SEC22A: variants seen among roughly 807,000 people sequenced by gnomAD.
SEC22A encodes vesicle-trafficking protein SEC22a.
A neutral mutation model predicts 35.3 loss-of-function variants in SEC22A; 22 were observed. The ratio of observed to expected loss-of-function variants is 0.62; its 90% CI spans 0.45 to 0.89. The LOEUF is 0.89. SEC22A is among the 40% of genes least tolerant of loss of function. The pLI, the probability that SEC22A is intolerant of heterozygous loss-of-function variation, is 0.00. For missense variants in SEC22A, 354 were observed against 362.5 expected (o/e 0.98, Z 0.19); for synonymous variants, 119 against 129.5 (o/e 0.92, Z 0.55).
At chr3:123,206,551 G>A (rs776643075) in intron 1 of SEC22A, among the ~76,000 whole-genome samples, 65 of 152,054 alleles carry the variant, frequency 4.3e-4, no homozygotes, top group South Asian at 3.5e-3. Flanking sequence ...CTTACACTTA[G>A]GCTAAATGTT....
chr3:123,256,449 CA>C (rs35954824), intron 5 of SEC22A, among the ~76,000 whole-genome samples: 86,726 of 152,014 alleles, frequency 0.57, 25,203 homozygotes, highest in Non-Finnish European at 0.61. Context: ...GCCTCTGAGT[CA>C]ATCTTAATCT....
intron 1 of SEC22A, chr3:123,208,838 A>T (rs1936892238): frequency 4.9e-6 from 1 of 202,766 alleles, no homozygotes; most frequent in South Asian, 8.3e-5. Flanking sequence ...TCTGTCGCCC[A>T]GGCTGGAGCT....
chr3:123,263,579 C>T (rs978277717), intron 6 of SEC22A, among the ~76,000 whole-genome samples: 7 of 151,628 alleles, frequency 4.6e-5, no homozygotes, highest in African/African-American at 9.7e-5. Context: ...TGCAGTGGCG[C>T]GATCTTGGCT....
At chr3:123,225,329 A>G in intron 4 of SEC22A, 32 bp downstream of exon 4, 1 of 1,389,320 alleles carries the variant, frequency 7.2e-7, no homozygotes, top group Admixed American at 2.2e-5. Context: ...TTTTATTTTA[A>G]AAAAATCCTT....
At position 123,241,002 on chromosome 3, in the gene SEC22A, TACACAC is replaced by T. The variant is rs35775511; in HGVS notation, c.542-4861_542-4856del. On this transcript the variant is annotated intron_variant, in intron 4 of 6. Transcript: ENST00000492595. ...AATAGATTTACTAATCTCTCTTTCT[TACACAC>T]ACACACACACACACACACACACACA... Among the ~76,000 whole-genome samples the T allele has an allele frequency of 9.1e-3, 1,293 of 142,564 alleles. 10 individuals are homozygous for T. The highest frequency in any genetic ancestry group is 0.012 in the Admixed American group (168 of 14,302). The allele number at this position is 142,564 out of a possible 152,430, so 93.5% of individuals were successfully genotyped here.
intron 2 of SEC22A, among the ~76,000 whole-genome samples, chr3:123,220,823 G>T (rs1317443611): frequency 1.4e-5 from 2 of 145,040 alleles, no homozygotes; most frequent in Non-Finnish European, 3.0e-5. Flanking sequence ...ACTAGTAGGT[G>T]GCAAGCCCAT....
chr3:123,213,252 G>A (rs1036319789), intron 2 of SEC22A, among the ~76,000 whole-genome samples: 3 of 152,080 alleles, frequency 2.0e-5, no homozygotes, highest in Admixed American at 2.0e-4. Flanking sequence ...TGTTTAATGA[G>A]GTTGTTACCT....
chr3:123,216,727 CAG>C lies in SEC22A; in HGVS notation c.183-6829_183-6828del, dbSNP rs1381539317. 3.3e-5 allele frequency among the ~76,000 whole-genome samples: 5 copies of C among 152,268 alleles called. No individual in the cohort carries two copies. The South Asian group carries it at 1.0e-3, about 32-fold the overall frequency. ...TATCTCCTTACTGTTCCACTAGTGGCAGAGTCTTTTGTTTTCATCTTGTTTTC... is the reference window on the plus strand; with the variant it reads ...TATCTCCTTACTGTTCCACTAGTGGCAGTCTTTTGTTTTCATCTTGTTTTC... On this transcript the variant is annotated intron_variant, in intron 2 of 6. Coordinates refer to ENST00000492595, the MANE Select transcript of SEC22A (RefSeq NM_012430.5).
Position 123,271,517 on chromosome 3 carries a change from A to G in SEC22A, c.724-5A>G, listed in dbSNP as rs543986328. The G allele has an allele frequency of 1.4e-5, 22 of 1,609,244 alleles. No individual in the cohort carries two copies. The South Asian group carries it at 2.3e-4, about 17-fold the overall frequency. ...AATCATCTTTCATTTTTATATTTTGAACAGTGTTATTTACTTGTCTACTAC... is the reference window on the plus strand; with the variant it reads ...AATCATCTTTCATTTTTATATTTTGGACAGTGTTATTTACTTGTCTACTAC... On this transcript the variant is annotated splice_region_variant and splice_polypyrimidine_tract_variant and intron_variant, in intron 6 of 6. Transcript: ENST00000492595.
intron 4 of SEC22A, among the ~76,000 whole-genome samples, chr3:123,228,076 A>G (rs189722207): frequency 1.3e-5 from 2 of 152,268 alleles, no homozygotes; most frequent in East Asian, 3.9e-4. Flanking sequence ...ACTGAATACA[A>G]CACTTCACAT....
intron 2 of SEC22A, among the ~76,000 whole-genome samples, chr3:123,210,091 A>G (rs1485632752): frequency 6.6e-6 from 1 of 152,230 alleles, no homozygotes; most frequent in East Asian, 1.9e-4. Context: ...TTTGGAGTCT[A>G]TTAGTCTGTT....
At chr3:123,271,482 C>G in intron 6 of SEC22A, 40 bp from the exon 7 acceptor site, 2 of 1,526,066 alleles carry the variant, frequency 1.3e-6, no homozygotes, top group South Asian at 1.1e-5. Context: ...GTTTCTTTTC[C>G]TGTAACCCTA....
rs370426629 is a variant in SEC22A at position 123,225,327 on chromosome 3, T to TA, written c.541+37dup. 5.2e-4 allele frequency: 725 copies of TA among 1,399,746 alleles called. 5 individuals carry two copies. In the African/African-American group the frequency reaches 9.3e-3, roughly 18 times the overall value. 86.7% of individuals were successfully genotyped at this position (1,399,746 alleles called of 1,614,324 possible). A position where few individuals can be genotyped will look rare whatever the true frequency, so the allele number is the denominator to read the frequency against. On this transcript the variant is annotated intron_variant, in intron 4 of 6. Coordinates refer to ENST00000492595, the MANE Select transcript of SEC22A (RefSeq NM_012430.5). ...GTTCTGGATCTCAGTTATTTTATTT[T>TA]AAAAAAATCCTTGGGAAAAACTGAG...
At chr3:123,264,007 G>C (rs778527613) in intron 6 of SEC22A, among the ~76,000 whole-genome samples, 1 of 151,580 alleles carries the variant, frequency 6.6e-6, no homozygotes, top group Middle Eastern at 3.2e-3. Context: ...CCGCAGCTTT[G>C]AACTGGGCTC....
chr3:123,209,107 T>C (rs1559750218), intron 1 of SEC22A, 92 bp from the exon 2 acceptor site: 1 of 998,894 alleles, frequency 1.0e-6, no homozygotes, highest in Admixed American at 1.9e-5. Flanking sequence ...TAATTACTAT[T>C]CTTATATTAC....
chr3:123,272,069 G>T lies in SEC22A; in HGVS notation c.*347G>T, dbSNP rs779367197. 1 of 245,852 alleles carries T rather than the reference G, an allele frequency of 4.1e-6. No individual in the cohort carries two copies. The highest frequency in any genetic ancestry group is 7.9e-6 in the Non-Finnish European group (1 of 127,110). The allele number at this position is 245,852 out of a possible 1,614,324, so 15.2% of individuals were successfully genotyped here. On this transcript the variant is annotated 3_prime_UTR_variant, in exon 7 of 7. Coordinates refer to ENST00000492595, the MANE Select transcript of SEC22A (RefSeq NM_012430.5). ...GTATTGCTCTGAGGACCAGGCAGGAGGAACTCTACAACCTGAGTTTGCCTT... is the reference window on the plus strand; with the variant it reads ...GTATTGCTCTGAGGACCAGGCAGGATGAACTCTACAACCTGAGTTTGCCTT...
chr3:123,226,146 C>G (rs116345669), intron 4 of SEC22A, among the ~76,000 whole-genome samples: 1,925 of 152,266 alleles, frequency 0.013, 41 homozygotes, highest in African/African-American at 0.045. Flanking sequence ...TGTGAATATA[C>G]TGCAGTAAAC....
In SEC22A at chr3:123,225,085, A is replaced by C. The variant is rs764528159; in HGVS notation, c.347-18A>C. The C allele has an allele frequency of 6.6e-7, 1 of 1,510,348 alleles. No individual in the cohort carries two copies. The highest frequency in any genetic ancestry group is 9.0e-7 in the Non-Finnish European group (1 of 1,107,192). The allele number at this position is 1,510,348 out of a possible 1,614,324, so 93.6% of individuals were successfully genotyped here. On this transcript the variant is annotated intron_variant, in intron 3 of 6. Transcript: ENST00000492595. ...TTGACAAGTGACTGCAAGGAAATTT[A>C]TTTTTTATTTTACATAGATAACTTC...
intron 4 of SEC22A, among the ~76,000 whole-genome samples, chr3:123,238,591 G>A (rs974932993): frequency 2.0e-5 from 3 of 152,154 alleles, no homozygotes; most frequent in African/African-American, 7.2e-5. Flanking sequence ...ATATTTTTAT[G>A]TTTTGGAACT....
Sources: gnomAD v4.1 joint callset for allele counts (sites outside exome capture counted in the v4.1 genomes callset) on GRCh38, gnomAD v4.1.1 for gene constraint, MANE v1.5 for transcripts, NCBI Gene and HGNC (gene_info 2026-07-23, HGNC 2026-07-21) for gene names.